The following CELSR1 variants were observed in gnomAD, a reference collection of about 807,000 sequenced individuals.
The protein encoded by CELSR1 is cadherin EGF LAG seven-pass G-type receptor 1.
Under a neutral mutation model 249.1 loss-of-function variants are expected in CELSR1, and 110 were observed. The observed-to-expected ratio is 0.44, with a 90% CI of 0.38 to 0.52. CELSR1 has a LOEUF of 0.52. Among genes scored for constraint, CELSR1 ranks in the 20% least tolerant of loss-of-function variants. The probability of loss-of-function intolerance (pLI) is 0.00; values close to 1 mark genes in which losing one functional copy is unlikely to be tolerated. For missense variants in CELSR1, 4,109 were observed against 4,296.4 expected (o/e 0.96, Z 1.22); for synonymous variants, 2,113 against 1,900.0 (o/e 1.11, Z -2.92).
At position 46,448,705 on chromosome 22, in the gene CELSR1, A is replaced by ATAACAGATGGGCAAATTCGTGT; in HGVS notation, c.4184-9295_4184-9294insACACGAATTTGCCCATCTGTTA. ...GAACAGAGAACAAGGAGTGAGTGGAAGGGCCCGGGAACAGGAACACAGGGC... is the reference window on the plus strand; with the variant it reads ...GAACAGAGAACAAGGAGTGAGTGGAATAACAGATGGGCAAATTCGTGTGGGCCCGGGAACAGGAACACAGGGC... On this transcript the variant is annotated intron_variant, in intron 2 of 34. Coordinates refer to ENST00000674500, the MANE Select transcript of CELSR1 (RefSeq NM_001378328.1). The surrounding 1 kb of genome is among the most constrained non-coding windows in gnomAD (Gnocchi z 5.7). 1 of 313,038 alleles carries ATAACAGATGGGCAAATTCGTGT rather than the reference A, an allele frequency of 3.2e-6. No individual in the cohort carries two copies. 19.4% of individuals were successfully genotyped at this position (313,038 alleles called of 1,614,324 possible).
intron 18 of CELSR1, among the ~76,000 whole-genome samples, chr22:46,387,750 G>A (rs1322741566): frequency 6.6e-6 from 1 of 152,128 alleles, no homozygotes; most frequent in African/African-American, 2.4e-5. Context: ...TCAGAGGCTG[G>A]GACTCTGGCA....
At chr22:46,366,528 T>G in intron 29 of CELSR1, 48 bp from the exon 30 acceptor site, 1 of 1,400,856 alleles carries the variant, frequency 7.1e-7, no homozygotes. Flanking sequence ...GGCCACCACA[T>G]GACCACCACG....
In CELSR1 at chr22:46,397,820, T is replaced by G; in HGVS notation, c.5555A>C (p.Asn1852Thr). 1 of 1,586,848 alleles carries G rather than the reference T, an allele frequency of 6.3e-7. No individual in the cohort carries two copies. The change falls in exon 12 of 35, where the codon AAC (asparagine) becomes ACC (threonine). Residue 1852 changes from asparagine (N) to threonine (T), a missense_variant. By Grantham distance (65) the Asn-to-Thr change is moderately conservative (BLOSUM62 0). This residue lies in a region of CELSR1 where 1,805 missense variants were observed against 1,831.6 expected (regional missense o/e 0.99). Coordinates refer to ENST00000674500, the MANE Select transcript of CELSR1 (RefSeq NM_001378328.1). ...QGVRMGGTPT[N>T]VATLNMNNAL... Reference sequence around the variant, plus strand: ...GTTGTTCATGTTCAGGGTGGCGACGTTGGTGGGCGTCCCCCCCATCCTCAC... The same window carrying G: ...GTTGTTCATGTTCAGGGTGGCGACGGTGGTGGGCGTCCCCCCCATCCTCAC...
chr22:46,468,444 G>A lies in CELSR1; in HGVS notation c.3545-4099C>T, dbSNP rs2080121304. Among the ~76,000 whole-genome samples, 1 of 151,978 alleles carries A rather than the reference G, an allele frequency of 6.6e-6. No individual in the cohort carries two copies. The highest frequency in any genetic ancestry group is 2.4e-5 in the African/African-American group (1 of 41,362). ...TGGAATATTATCCAGCCTTAAAAAG[G>A]GAGGAAATTCTGACACACGCTACAA... On this transcript the variant is annotated intron_variant, in intron 1 of 34. Transcript: ENST00000674500. This position sits in a 1 kb window ranked among gnomAD's most constrained non-coding sequence, Gnocchi z 4.5.
intron 1 of CELSR1, among the ~76,000 whole-genome samples, chr22:46,491,637 C>CTCTTT (rs56342032): frequency 5.9e-5 from 8 of 136,206 alleles, no homozygotes; most frequent in South Asian, 2.5e-4. Flanking sequence ...CTCTCTCTCT[C>CTCTTT]TTTTTTTTTT....
At chr22:46,384,999 C>A (rs2079017640) in intron 19 of CELSR1, among the ~76,000 whole-genome samples, 1 of 152,098 alleles carries the variant, frequency 6.6e-6, no homozygotes, top group South Asian at 2.1e-4. Flanking sequence ...ATCATGTCGG[C>A]CAGGCTGGTC....
chr22:46,373,151 A>C, intron 24 of CELSR1, 94 bp from the exon 25 acceptor site: 1 of 1,298,042 alleles, frequency 7.7e-7, no homozygotes, highest in Non-Finnish European at 1.0e-6. Flanking sequence ...AGAGCTCACA[A>C]TTCGGACCAC....
At chr22:46,476,752 C>G (rs1050763835) in intron 1 of CELSR1, among the ~76,000 whole-genome samples, 6 of 152,034 alleles carry the variant, frequency 3.9e-5, no homozygotes, top group Non-Finnish European at 7.3e-5. Context: ...AGAAGCCATG[C>G]TGGTTGCCAA....
At position 46,506,535 on chromosome 22, in the gene CELSR1, C is replaced by G. The variant is rs751648349; in HGVS notation, c.3544+27092G>C. 6.6e-6 allele frequency among the ~76,000 whole-genome samples: 1 copy of G among 152,206 alleles called. No individual in the cohort carries two copies. The highest frequency in any genetic ancestry group is 2.4e-5 in the African/African-American group (1 of 41,458). On this transcript the variant is annotated intron_variant, in intron 1 of 34. Transcript: ENST00000674500. The surrounding 1 kb of genome is among the most constrained non-coding windows in gnomAD (Gnocchi z 4.1). ...CTGCCAGCCTCAGCCCCAGCCCCAG[C>G]CCCCCAAGTCTCACAAGTCCAGAGA... is the stretch of plus-strand genomic sequence containing the variant.
intron 1 of CELSR1, among the ~76,000 whole-genome samples, chr22:46,531,324 G>A (rs1313990504): frequency 1.3e-5 from 2 of 152,020 alleles, no homozygotes; most frequent in African/African-American, 4.8e-5. Flanking sequence ...TCCTGCCTCA[G>A]CCTCCCGAGT....
chr22:46,406,536 G>C lies in CELSR1; in HGVS notation c.5226+2460C>G, dbSNP rs1037413017. ...CCACCAGCCTGCTGGGAGCACTCTC[G>C]GTCCTGCCCCCGCCACACTCCAACC... On this transcript the variant is annotated intron_variant, in intron 9 of 34. Transcript: ENST00000674500. This position sits in a 1 kb window ranked among gnomAD's most constrained non-coding sequence, Gnocchi z 5.4. Among the ~76,000 whole-genome samples the C allele has an allele frequency of 2.6e-5, 4 of 152,160 alleles. No individual in the cohort carries two copies. The highest frequency in any genetic ancestry group is 5.9e-5 in the Non-Finnish European group (4 of 68,014).
At chr22:46,477,953 C>T (rs2080226952) in intron 1 of CELSR1, among the ~76,000 whole-genome samples, 1 of 152,184 alleles carries the variant, frequency 6.6e-6, no homozygotes, top group Non-Finnish European at 1.5e-5. Flanking sequence ...GGGCAGCACC[C>T]CTGGCCTCCA....
Position 46,417,077 on chromosome 22 carries a change from C to T in CELSR1, c.4612-5318G>A, listed in dbSNP as rs2079411828. Reference sequence around the variant, plus strand: ...ATCAAAGAATTCACAGATGGCTGGACCTCAGGAATGTCTGTACAGAGTCAA... The same window carrying T: ...ATCAAAGAATTCACAGATGGCTGGATCTCAGGAATGTCTGTACAGAGTCAA... On this transcript the variant is annotated intron_variant, in intron 5 of 34. Transcript: ENST00000674500. The surrounding 1 kb of genome is among the most constrained non-coding windows in gnomAD (Gnocchi z 4.1). Among the ~76,000 whole-genome samples the T allele has an allele frequency of 6.6e-6, 1 of 152,156 alleles. No homozygotes were observed. The highest frequency in any genetic ancestry group is 6.5e-5 in the Admixed American group (1 of 15,270).
At chr22:46,469,804 G>A (rs1002552783) in intron 1 of CELSR1, among the ~76,000 whole-genome samples, 4 of 150,016 alleles carry the variant, frequency 2.7e-5, no homozygotes, top group Non-Finnish European at 5.9e-5. Context: ...GTGAACCACC[G>A]CACCCGGCCT....
rs1418774120 is a variant in CELSR1 at position 46,409,957 on chromosome 22, A to G, written c.4934-77T>C. ...TCCCCGGCGCCAGACGTGGCGTGGG[A>G]AACCAGGACGGAATGGACCCGGGGC... On this transcript the variant is annotated intron_variant, in intron 7 of 34. Coordinates refer to ENST00000674500, the MANE Select transcript of CELSR1 (RefSeq NM_001378328.1). The surrounding 1 kb of genome is among the most constrained non-coding windows in gnomAD (Gnocchi z 9.8). 6.3e-7 allele frequency: 1 copy of G among 1,585,542 alleles called. No individual in the cohort carries two copies. Among genetic ancestry groups the G allele is most frequent in the East Asian group, 2.2e-5 (1 of 44,758 alleles).
rs557198172 is a variant in CELSR1, at chr22:46,418,991, TC to T, written c.4612-7233del. Among the ~76,000 whole-genome samples the T allele has an allele frequency of 7.8e-4, 118 of 152,228 alleles. 1 individual carries two copies. The highest frequency in any genetic ancestry group is 5.0e-3 in the South Asian group (24 of 4,824). On this transcript the variant is annotated intron_variant, in intron 5 of 34. Coordinates refer to ENST00000674500, the MANE Select transcript of CELSR1 (RefSeq NM_001378328.1). Reference sequence around the variant, plus strand: ...TGTTCAGCACTGGACGGAGATAAGCTCCTCCTACAGAGCTCCATGATCCCCG... The same window carrying T: ...TGTTCAGCACTGGACGGAGATAAGCTCTCCTACAGAGCTCCATGATCCCCG...
chr22:46,455,188 G>A (rs2079933250), intron 2 of CELSR1, among the ~76,000 whole-genome samples: 1 of 152,136 alleles, frequency 6.6e-6, no homozygotes. Context: ...AGGGACCTTG[G>A]CTTTGAATTT....
Position 46,533,856 on chromosome 22 carries a change from C to A in CELSR1, c.3315G>T (p.Gln1105His), listed in dbSNP as rs370405011. 6.2e-7 allele frequency: 1 copy of A among 1,613,894 alleles called. No individual in the cohort carries two copies. Among genetic ancestry groups the A allele is most frequent in the South Asian group, 1.1e-5 (1 of 91,092 alleles). ...NDNPPVLPDF[Q>H]ILFNNYVTNK... ...TGGTGACATAGTTGTTGAAGAGGAT[C>A]TGGAAGTCGGGCAGCACAGGCGGGT... is the stretch of plus-strand genomic sequence containing the variant. The change falls in exon 1 of 35, where the codon CAG (glutamine) becomes CAT (histidine). Residue 1105 changes from glutamine to histidine, a missense_variant. Coordinates refer to ENST00000674500, the MANE Select transcript of CELSR1 (RefSeq NM_001378328.1).
rs1048686725 is a variant in CELSR1, at chr22:46,391,004, G to A, written c.6250+182C>T. Among the ~76,000 whole-genome samples, 1 of 152,230 alleles carries A rather than the reference G, an allele frequency of 6.6e-6. No individual in the cohort carries two copies. The highest frequency in any genetic ancestry group is 1.5e-5 in the Non-Finnish European group (1 of 68,044). ...CACGCGCTGCACTGTTCATGTTTCT[G>A]TTGCGCCCTCTGCCTGCTTTGTGTA... On this transcript the variant is annotated intron_variant, in intron 16 of 34. Coordinates refer to ENST00000674500, the MANE Select transcript of CELSR1 (RefSeq NM_001378328.1). The surrounding 1 kb of genome is among the most constrained non-coding windows in gnomAD (Gnocchi z 4.3).
Sources: allele counts gnomAD v4.1 joint callset (sites outside exome capture counted in the v4.1 genomes callset), GRCh38; gene constraint gnomAD v4.1.1; regional missense constraint gnomAD v4.1.1; non-coding constraint Gnocchi (gnomAD v3.1); transcripts MANE v1.5; gene names NCBI Gene and HGNC (gene_info 2026-07-23, HGNC 2026-07-21).